PKD2L1: variants seen among roughly 807,000 people sequenced by gnomAD.
PKD2L1 encodes polycystin 2 like 1, transient receptor potential cation channel.
In PKD2L1, 77 loss-of-function variants were observed where a neutral mutation model predicts 93.0. That is an observed-to-expected ratio of 0.83 (90% CI 0.69 to 1.00). PKD2L1 has a LOEUF of 1.00. PKD2L1 is among the 50% of genes least tolerant of loss of function. The pLI is 0.00. For missense variants in PKD2L1, 977 were observed against 990.9 expected (o/e 0.99, Z 0.19); for synonymous variants, 390 against 388.0 (o/e 1.01, Z -0.06).
intron 2 of PKD2L1, among the ~76,000 whole-genome samples, chr10:100,306,611 CA>C: frequency 6.6e-6 from 1 of 152,018 alleles, no homozygotes; most frequent in Non-Finnish European, 1.5e-5. Context: ...CCTGTAATCC[CA>C]GCACTTTGAG....
At chr10:100,303,108 A>T (rs111813183) in intron 2 of PKD2L1, among the ~76,000 whole-genome samples, 1 of 152,004 alleles carries the variant, frequency 6.6e-6, no homozygotes, top group Non-Finnish European at 1.5e-5. Context: ...ATATGGGAAA[A>T]CTGAGTGAAA....
Position 100,296,207 on chromosome 10 carries a change from G to C in PKD2L1, c.1271C>G (p.Thr424Arg), listed in dbSNP as rs529114199. 9 of 1,612,220 alleles carry C rather than the reference G, an allele frequency of 5.6e-6. No individual in the cohort carries two copies. Among genetic ancestry groups the C allele is most frequent in the Non-Finnish European group, 7.6e-6 (9 of 1,179,266 alleles). The change falls in exon 7 of 16, where the codon ACG becomes AGG. Residue 424 changes from threonine to arginine, a missense_variant. Physicochemically the swap from Thr to Arg is moderately conservative, Grantham distance 71. Transcript: ENST00000318222. Reference protein sequence around the residue: ...LMGKLLQQPNTYADFEFLAFW... With the variant: ...LMGKLLQQPNRYADFEFLAFW... ...GGCGAGGAACTCAAAGTCTGCATAC[G>C]TGTTTGGCTGCTGCAGGAGCTTCCC...
At chr10:100,325,298 C>G (rs1849353145) in intron 2 of PKD2L1, among the ~76,000 whole-genome samples, 1 of 152,130 alleles carries the variant, frequency 6.6e-6, no homozygotes. Context: ...GGTCTAGATG[C>G]AGTTGGCCAG....
At position 100,299,491 on chromosome 10, in the gene PKD2L1, C is replaced by G; in HGVS notation, c.477+100G>C. Reference sequence around the variant, plus strand: ...CCCTTTGACTCAGTCTGATCCCTGACTGATTTGATTTCCCAGCATAAGGTC... The same window carrying G: ...CCCTTTGACTCAGTCTGATCCCTGAGTGATTTGATTTCCCAGCATAAGGTC... On this transcript the variant is annotated intron_variant, in intron 3 of 15. Transcript: ENST00000318222. 3.6e-6 allele frequency: 4 copies of G among 1,122,424 alleles called. No homozygotes were observed. In the South Asian group the frequency reaches 5.4e-5, roughly 15 times the overall value. 69.5% of individuals were successfully genotyped at this position (1,122,424 alleles called of 1,614,324 possible). A position where few individuals can be genotyped will look rare whatever the true frequency, so the allele number is the denominator to read the frequency against.
At chr10:100,315,459 T>C (rs1849081657) in intron 2 of PKD2L1, among the ~76,000 whole-genome samples, 1 of 152,158 alleles carries the variant, frequency 6.6e-6, no homozygotes, top group African/African-American at 2.4e-5. Context: ...TGGGTGTGTG[T>C]TGTTCCCCTC....
At chr10:100,295,688 G>T (rs141078660) in intron 7 of PKD2L1, among the ~76,000 whole-genome samples, 1,486 of 143,566 alleles carry the variant, frequency 0.01, 17 homozygotes, top group Middle Eastern at 0.036. Context: ...AGCTGAGATC[G>T]TGCCATTGTA....
At chr10:100,304,359 TTAG>T (rs1848752205) in intron 2 of PKD2L1, among the ~76,000 whole-genome samples, 2 of 152,354 alleles carry the variant, frequency 1.3e-5, no homozygotes, top group South Asian at 4.1e-4. Flanking sequence ...ATGTTCATAG[TTAG>T]TAGCCCATAT....
intron 12 of PKD2L1, among the ~76,000 whole-genome samples, chr10:100,290,775 C>T (rs1463447245): frequency 6.6e-6 from 1 of 152,224 alleles, no homozygotes; most frequent in Non-Finnish European, 1.5e-5. Context: ...GAGGCCAACT[C>T]ATTTTAGCAG....
At position 100,292,942 on chromosome 10, in the gene PKD2L1, G is replaced by C; in HGVS notation, c.1880+6C>G. ...ATTAGAGAAGGCTGGGTCTCTGGTTGCTCACTCCCTTAAGGTGTTGGTGAA... is the reference window on the plus strand; with the variant it reads ...ATTAGAGAAGGCTGGGTCTCTGGTTCCTCACTCCCTTAAGGTGTTGGTGAA... On this transcript the variant is annotated splice_donor_region_variant and intron_variant, in intron 11 of 15. Coordinates refer to ENST00000318222, the MANE Select transcript of PKD2L1 (RefSeq NM_016112.3). 6.2e-7 allele frequency: 1 copy of C among 1,612,166 alleles called. No individual in the cohort carries two copies.
intron 9 of PKD2L1, among the ~76,000 whole-genome samples, chr10:100,293,925 A>G (rs1175542834): frequency 1.3e-5 from 2 of 152,132 alleles, no homozygotes; most frequent in Non-Finnish European, 2.9e-5. Context: ...TGGGCAACAT[A>G]GCAAAACACT....
chr10:100,302,873 AT>A (rs1848716105), intron 2 of PKD2L1, among the ~76,000 whole-genome samples: 1 of 152,218 alleles, frequency 6.6e-6, no homozygotes, highest in African/African-American at 2.4e-5. Flanking sequence ...TGTTCATTAG[AT>A]GATAGTACTG....
At chr10:100,297,316 C>A in intron 5 of PKD2L1, 66 bp downstream of exon 5, 1 of 1,545,618 alleles carries the variant, frequency 6.5e-7, no homozygotes, top group Non-Finnish European at 8.9e-7. Flanking sequence ...AGGGAAGGGT[C>A]TCATGCACAA....
intron 9 of PKD2L1, among the ~76,000 whole-genome samples, chr10:100,293,937 T>C (rs1848463098): frequency 1.3e-5 from 2 of 152,114 alleles, no homozygotes; most frequent in African/African-American, 4.8e-5. Context: ...CAAAACACTG[T>C]CTCTACAAAA....
intron 9 of PKD2L1, among the ~76,000 whole-genome samples, chr10:100,293,962 CG>C (rs200929503): frequency 2.2e-3 from 336 of 152,118 alleles, no homozygotes; most frequent in African/African-American, 7.7e-3. Context: ...CAAAAATTAG[CG>C]GGGTGTGGTG....
At chr10:100,288,881 T>G in intron 15 of PKD2L1, 91 bp downstream of exon 15, 1 of 757,012 alleles carries the variant, frequency 1.3e-6, no homozygotes, top group East Asian at 2.6e-5. Flanking sequence ...GGACCTGTTG[T>G]CCTAGAAGTG....
At chr10:100,304,915 A>G (rs1848763742) in intron 2 of PKD2L1, among the ~76,000 whole-genome samples, 1 of 152,220 alleles carries the variant, frequency 6.6e-6, no homozygotes. Context: ...TGCCACTTAC[A>G]GTATAGACTT....
chr10:100,289,833 G>A (rs1281956313), intron 14 of PKD2L1, among the ~76,000 whole-genome samples, 182 bp downstream of exon 14: 1 of 152,174 alleles, frequency 6.6e-6, no homozygotes. Flanking sequence ...GCCAGGGCAA[G>A]CAACTTCCAG....
intron 2 of PKD2L1, among the ~76,000 whole-genome samples, chr10:100,308,955 T>C (rs943649437): frequency 2.6e-5 from 4 of 152,216 alleles, no homozygotes; most frequent in Admixed American, 1.3e-4. Flanking sequence ...GATCACCGTC[T>C]TGAAAGAAGC....
Position 100,295,060 on chromosome 10 carries a change from C to T in PKD2L1, c.1420G>A (p.Ala474Thr). ...TQLSSTLARC[A>T]KDILGFAVMF... The stretch of plus-strand genomic sequence containing the variant: ...ACGGCGAAGCCCAGGATGTCCTTGG[C>T]ACAGCGGGCCAGCGTGGAGGAGAGC... Residue 474 changes from alanine to threonine, a missense_variant, in exon 8 of 16, where the codon GCC (alanine) becomes ACC (threonine). Ala to Thr is a moderately conservative substitution (Grantham distance 58). Coordinates refer to ENST00000318222, the MANE Select transcript of PKD2L1 (RefSeq NM_016112.3). The T allele has an allele frequency of 1.2e-6, 2 of 1,614,126 alleles. No individual in the cohort carries two copies.
Sources: gnomAD v4.1 joint callset for allele counts (sites outside exome capture counted in the v4.1 genomes callset) on GRCh38, gnomAD v4.1.1 for gene constraint, MANE v1.5 for transcripts, NCBI Gene and HGNC (gene_info 2026-07-23, HGNC 2026-07-21) for gene names.